HLCS: variants seen among roughly 807,000 people sequenced by gnomAD.
HLCS encodes biotin--protein ligase.
Under a neutral mutation model 75.0 loss-of-function variants are expected in HLCS, and 53 were observed. That is an observed-to-expected ratio of 0.71 (90% CI 0.57 to 0.89). The LOEUF is 0.89. HLCS is among the 40% of genes least tolerant of loss of function. The pLI is 0.00. For missense variants in HLCS, 966 were observed against 1,074.0 expected (o/e 0.90, Z 1.41); for synonymous variants, 431 against 428.6 (o/e 1.01, Z -0.07).
intron 6 of HLCS, among the ~76,000 whole-genome samples, chr21:36,880,214 G>A (rs553627290): frequency 2.6e-5 from 4 of 152,220 alleles, no homozygotes. Context: ...TCTTACAACG[G>A]TGCTCTATCT....
rs2067778595 is a variant in HLCS, at chr21:36,953,696, T to C, written c.330+8340A>G. On this transcript the variant is annotated intron_variant, in intron 2 of 10. Transcript: ENST00000674895. ...ATGCTAAAAAGGAACCTGAACATAT[T>C]TGATATTTTATATAATTGCAATATT... 3.9e-5 allele frequency among the ~76,000 whole-genome samples: 6 copies of C among 152,308 alleles called. No individual in the cohort carries two copies. In the South Asian group the frequency reaches 1.2e-3, roughly 32 times the overall value.
At chr21:36,825,073 T>C (rs918461429) in intron 6 of HLCS, among the ~76,000 whole-genome samples, 4 of 152,194 alleles carry the variant, frequency 2.6e-5, no homozygotes, top group African/African-American at 9.7e-5. Flanking sequence ...CAATATCTAA[T>C]AGCAGGGAGA....
In HLCS at chr21:36,753,943, TTC is replaced by T. The variant is rs1464132576; in HGVS notation, c.*301_*302del. ...AATATCTGAATTTTCCCATTGTCAT[TTC>T]CATGTAAAAACTCCCCTTGACAATA... On this transcript the variant is annotated 3_prime_UTR_variant, in exon 11 of 11. Coordinates refer to ENST00000674895, the MANE Select transcript of HLCS (RefSeq NM_001352514.2). This position sits in a 1 kb window ranked among gnomAD's most constrained non-coding sequence, Gnocchi z 4.3. 2.2e-6 allele frequency: 1 copy of T among 459,666 alleles called. No individual in the cohort carries two copies. Among genetic ancestry groups the T allele is most frequent in the Non-Finnish European group, 4.0e-6 (1 of 250,246 alleles). The allele number at this position is 459,666 out of a possible 1,614,324, so 28.5% of individuals were successfully genotyped here.
intron 6 of HLCS, among the ~76,000 whole-genome samples, chr21:36,886,240 G>C (rs2064452047): frequency 2.0e-5 from 3 of 151,676 alleles, no homozygotes; most frequent in South Asian, 4.2e-4. Flanking sequence ...GACCATCCTG[G>C]TGAACACGGT....
At chr21:36,963,458 G>A (rs58890173) in intron 1 of HLCS, among the ~76,000 whole-genome samples, 1,906 of 152,296 alleles carry the variant, frequency 0.013, 44 homozygotes, top group African/African-American at 0.041. Context: ...TCAATATAGT[G>A]GTTAAAAAGT....
intron 6 of HLCS, among the ~76,000 whole-genome samples, chr21:36,875,763 A>G (rs1188594394): frequency 6.6e-6 from 1 of 152,214 alleles, no homozygotes; most frequent in African/African-American, 2.4e-5. Flanking sequence ...GACCTGCCCA[A>G]TGGTGGAACT....
In HLCS at chr21:36,936,753, T is replaced by C. The variant is rs1390234420; in HGVS notation, c.1133A>G (p.Gln378Arg). ...TRESIPEDLY[Q>R]KFMAYLSQGG... The stretch of plus-strand genomic sequence containing the variant: ...CTGAGAAAGATAGGCCATGAACTTC[T>C]GGTACAGGTCTTCGGGAATGGACTC... Residue 378 changes from glutamine (Q) to arginine (R), a missense_variant, in exon 4 of 11, where the codon CAG becomes CGG. Coordinates refer to ENST00000674895, the MANE Select transcript of HLCS (RefSeq NM_001352514.2). 6 of 1,614,228 alleles carry C rather than the reference T, an allele frequency of 3.7e-6. No individual in the cohort carries two copies. Among genetic ancestry groups the C allele is most frequent in the Non-Finnish European group, 5.1e-6 (6 of 1,180,038 alleles).
intron 6 of HLCS, among the ~76,000 whole-genome samples, chr21:36,855,536 TAAAAAAAAAAAAAAAA>T (rs71901243): frequency 0.36 from 27,081 of 75,962 alleles, 2,911 homozygotes; most frequent in Middle Eastern, 0.46. Flanking sequence ...AGACTCCATC[TAAAAAAAAAAAAAAAA>T]AAAAAAAAAA....
chr21:36,867,170 T>C (rs537291149), intron 6 of HLCS, among the ~76,000 whole-genome samples: 3 of 152,168 alleles, frequency 2.0e-5, no homozygotes, highest in Non-Finnish European at 4.4e-5. Flanking sequence ...CATGTACATA[T>C]ATCTGGGGGG....
At chr21:36,893,683 C>T (rs984956228) in intron 6 of HLCS, among the ~76,000 whole-genome samples, 4 of 152,282 alleles carry the variant, frequency 2.6e-5, no homozygotes, top group Admixed American at 1.3e-4. Flanking sequence ...AGGGTTTGAG[C>T]TCCTATGAGA....
intron 6 of HLCS, among the ~76,000 whole-genome samples, chr21:36,809,265 G>C (rs2061442518): frequency 6.6e-6 from 1 of 152,146 alleles, no homozygotes; most frequent in South Asian, 2.1e-4. Context: ...TCAGTACCTT[G>C]AAAATGTTAT....
intron 1 of HLCS, among the ~76,000 whole-genome samples, chr21:36,984,279 T>G (rs1388661059): frequency 6.6e-6 from 1 of 152,130 alleles, no homozygotes; most frequent in East Asian, 1.9e-4. Flanking sequence ...TATATATTGT[T>G]TTTTCCTATT....
chr21:36,931,750 AG>A (rs201988895), intron 4 of HLCS, among the ~76,000 whole-genome samples: 9,505 of 144,352 alleles, frequency 0.066, 912 homozygotes, highest in African/African-American at 0.22. Context: ...CCATTTAAAA[AG>A]AAAAAAAAAA....
chr21:36,943,810 C>A (rs765068759), intron 2 of HLCS: 5 of 107,666 alleles, frequency 4.6e-5, no homozygotes, highest in East Asian at 3.0e-4. Context: ...CAGAGTGAGA[C>A]CCTGTCTAAA....
chr21:36,849,520 C>T (rs2062915077), intron 6 of HLCS, among the ~76,000 whole-genome samples: 1 of 152,174 alleles, frequency 6.6e-6, no homozygotes, highest in Admixed American at 6.5e-5. Context: ...AAGGAAGGCT[C>T]GGAGGCTGGA....
chr21:36,947,643 TTAAGTAAC>T (rs1197750914), intron 2 of HLCS: 1 of 985,326 alleles, frequency 1.0e-6, no homozygotes, highest in Non-Finnish European at 1.2e-6. Context: ...CAGAAATCTG[TTAAGTAAC>T]TAAAGCTCTT....
chr21:36,832,545 A>T (rs73902742), intron 6 of HLCS, among the ~76,000 whole-genome samples: 5,545 of 152,272 alleles, frequency 0.036, 152 homozygotes, highest in African/African-American at 0.075. Context: ...TTCACTTTAC[A>T]GCCATTGCTC....
chr21:36,985,783 AAGTT>A (rs1332974422), intron 1 of HLCS, among the ~76,000 whole-genome samples: 5 of 151,800 alleles, frequency 3.3e-5, no homozygotes, highest in South Asian at 2.1e-4. Context: ...AAAAAAAAAA[AAGTT>A]AGCCCCATTA....
At chr21:36,954,257 C>G (rs917751116) in intron 2 of HLCS, among the ~76,000 whole-genome samples, 3 of 150,602 alleles carry the variant, frequency 2.0e-5, no homozygotes, top group Non-Finnish European at 4.4e-5. Flanking sequence ...AGTGAGCTAT[C>G]ACACCACTGC....
Sources: gnomAD v4.1 joint callset for allele counts (sites outside exome capture counted in the v4.1 genomes callset) on GRCh38, gnomAD v4.1.1 for gene constraint, Gnocchi (gnomAD v3.1) non-coding constraint, MANE v1.5 for transcripts, NCBI Gene and HGNC (gene_info 2026-07-23, HGNC 2026-07-21) for gene names.